PTPRG: variants seen among roughly 807,000 people sequenced by gnomAD.
PTPRG encodes protein tyrosine phosphatase receptor type G, also known as receptor-type tyrosine-protein phosphatase gamma.
PTPRG carries 102 observed loss-of-function variants against 165.3 expected under a neutral mutation model. That is an observed-to-expected ratio of 0.62 (90% confidence interval 0.53 to 0.73). The LOEUF is 0.73. Among genes scored for constraint, PTPRG ranks in the 30% least tolerant of loss-of-function variants. The pLI, the probability that PTPRG is intolerant of heterozygous loss-of-function variation, is 0.00. For missense variants in PTPRG, 1,866 were observed against 1,861.4 expected (o/e 1.00, Z -0.05); for synonymous variants, 675 against 669.5 (o/e 1.01, Z -0.13).
At chr3:61,948,031 A>G (rs2039806569) in intron 2 of PTPRG, among the ~76,000 whole-genome samples, 1 of 152,150 alleles carries the variant, frequency 6.6e-6, no homozygotes, top group South Asian at 2.1e-4. Flanking sequence ...GAAATCAAGA[A>G]GGAAACTCTA....
At chr3:61,868,031 G>C (rs976789701) in intron 2 of PTPRG, among the ~76,000 whole-genome samples, 1 of 152,168 alleles carries the variant, frequency 6.6e-6, no homozygotes, top group Non-Finnish European at 1.5e-5. Flanking sequence ...CAACAAGTAG[G>C]ATTGGTTCAG....
chr3:62,007,067 T>C (rs2041315210), intron 4 of PTPRG, among the ~76,000 whole-genome samples: 3 of 152,194 alleles, frequency 2.0e-5, no homozygotes, highest in Admixed American at 2.0e-4. Flanking sequence ...TTCTTTAGTA[T>C]CTACTTGAGA....
In PTPRG at chr3:61,680,907, T is replaced by C. The variant is rs746901197; in HGVS notation, c.86-67971T>C. 1.6e-4 allele frequency among the ~76,000 whole-genome samples: 14 copies of C among 87,322 alleles called. 3 individuals are homozygous for C. Among genetic ancestry groups the C allele is most frequent in the Admixed American group, 4.9e-4 (4 of 8,102 alleles). 57.3% of individuals were successfully genotyped at this position (87,322 alleles called of 152,430 possible). A position where few individuals can be genotyped will look rare whatever the true frequency, so the allele number is the denominator to read the frequency against. On this transcript the variant is annotated intron_variant, in intron 1 of 29. Transcript: ENST00000474889. ...TGTGCACAGTGGGATGTGTTTAAAA[T>C]GTGGGAGACAGGAGCTGTATGGAAA...
chr3:61,702,477 A>G (rs2031021813), intron 1 of PTPRG, among the ~76,000 whole-genome samples: 2 of 152,264 alleles, frequency 1.3e-5, no homozygotes, highest in Admixed American at 1.3e-4. Context: ...AAAACTTTTC[A>G]TTAAACAATT....
At chr3:61,824,880 C>T (rs577713731) in intron 2 of PTPRG, among the ~76,000 whole-genome samples, 1 of 152,318 alleles carries the variant, frequency 6.6e-6, no homozygotes, top group East Asian at 1.9e-4. Context: ...GTTGATAAGT[C>T]ATACAAAGTC....
In PTPRG at chr3:62,014,641, T is replaced by G. The variant is rs143878084; in HGVS notation, c.519+11144T>G. 2.0e-3 allele frequency among the ~76,000 whole-genome samples: 303 copies of G among 152,310 alleles called. 3 individuals carry two copies. The highest frequency in any genetic ancestry group is 7.0e-3 in the African/African-American group (290 of 41,564). On this transcript the variant is annotated intron_variant, in intron 4 of 29. Coordinates refer to ENST00000474889, the MANE Select transcript of PTPRG (RefSeq NM_002841.4). Reference sequence around the variant, plus strand: ...TCAGCATGCCCTGATTAGGGAAGACTTGGAGTGAGAGAAACCTCACGCACT... The same window carrying G: ...TCAGCATGCCCTGATTAGGGAAGACGTGGAGTGAGAGAAACCTCACGCACT...
intron 4 of PTPRG, among the ~76,000 whole-genome samples, chr3:62,064,992 A>C (rs969595978): frequency 2.0e-5 from 3 of 152,072 alleles, no homozygotes; most frequent in African/African-American, 7.2e-5. Flanking sequence ...TCGGCTTCCC[A>C]AAGTGCTGAG....
At chr3:62,064,445 G>C (rs1700933646) in intron 4 of PTPRG, among the ~76,000 whole-genome samples, 1 of 151,936 alleles carries the variant, frequency 6.6e-6, no homozygotes, top group Admixed American at 6.6e-5. Context: ...TTGAACTCCT[G>C]GTCTGAAGCA....
intron 1 of PTPRG, among the ~76,000 whole-genome samples, chr3:61,593,874 A>G (rs1274866966): frequency 6.6e-6 from 1 of 152,148 alleles, no homozygotes; most frequent in African/African-American, 2.4e-5. Context: ...CTTGAAGGCA[A>G]TTGGAAAGAT....
chr3:61,842,220 C>G (rs1238392776), intron 2 of PTPRG, among the ~76,000 whole-genome samples: 1 of 152,190 alleles, frequency 6.6e-6, no homozygotes, highest in African/African-American at 2.4e-5. Context: ...TCAAATATCA[C>G]AATTCTATGT....
chr3:61,998,409 G>A (rs112900513), intron 3 of PTPRG, among the ~76,000 whole-genome samples: 2,144 of 152,292 alleles, frequency 0.014, 23 homozygotes, highest in Non-Finnish European at 0.023. Context: ...GCTGCTGTGA[G>A]CATTCGTCGT....
At chr3:61,947,145 C>T (rs1230669673) in intron 2 of PTPRG, among the ~76,000 whole-genome samples, 1 of 152,106 alleles carries the variant, frequency 6.6e-6, no homozygotes, top group Non-Finnish European at 1.5e-5. Context: ...AGCTTAATCA[C>T]GTGGGCATTT....
intron 1 of PTPRG, among the ~76,000 whole-genome samples, chr3:61,617,734 C>T (rs1701335489): frequency 6.6e-6 from 1 of 152,128 alleles, no homozygotes; most frequent in African/African-American, 2.4e-5. Context: ...TACAAGGAGT[C>T]CTCACACAGT....
intron 2 of PTPRG, among the ~76,000 whole-genome samples, chr3:61,951,229 A>C (rs2039892792): frequency 1.3e-5 from 2 of 152,202 alleles, no homozygotes. Context: ...TAGAATTGGA[A>C]GTGGCAATCA....
At chr3:61,643,433 G>A (rs558474611) in intron 1 of PTPRG, among the ~76,000 whole-genome samples, 2 of 152,244 alleles carry the variant, frequency 1.3e-5, no homozygotes, top group Admixed American at 1.3e-4. Flanking sequence ...CAAAATTAGG[G>A]GAGAGTTGTT....
chr3:61,921,474 G>A (rs1236736463), intron 2 of PTPRG, among the ~76,000 whole-genome samples: 2 of 152,106 alleles, frequency 1.3e-5, no homozygotes, highest in Non-Finnish European at 2.9e-5. Context: ...ACTTCAAAAT[G>A]TACGGCTTTT....
At chr3:61,562,984 G>T (rs984719448) in intron 1 of PTPRG, among the ~76,000 whole-genome samples, 2 of 152,102 alleles carry the variant, frequency 1.3e-5, no homozygotes, top group Non-Finnish European at 2.9e-5. Context: ...GCAGCACTTC[G>T]GTGCCGGCGT....
intron 2 of PTPRG, among the ~76,000 whole-genome samples, chr3:61,792,015 C>A (rs185992806): frequency 6.6e-6 from 1 of 152,198 alleles, no homozygotes; most frequent in Admixed American, 6.5e-5. Context: ...ATCTTTAGTT[C>A]TAGACACTGG....
intron 1 of PTPRG, among the ~76,000 whole-genome samples, chr3:61,596,214 C>T (rs2106834284): frequency 1.3e-5 from 2 of 152,324 alleles, no homozygotes; most frequent in African/African-American, 4.8e-5. Flanking sequence ...GTCACCCCCT[C>T]ATTCCTGAAC....
Sources: allele counts gnomAD v4.1 joint callset (sites outside exome capture counted in the v4.1 genomes callset), GRCh38; gene constraint gnomAD v4.1.1; transcripts MANE v1.5; gene names NCBI Gene and HGNC (gene_info 2026-07-23, HGNC 2026-07-21).